Variants in ATP6V0A4 observed in about 807,000 individuals in gnomAD.
ATP6V0A4 encodes V-type proton ATPase 116 kDa subunit a 4.
ATP6V0A4 carries 86 observed loss-of-function variants against 107.3 expected under a neutral mutation model. The observed-to-expected ratio is 0.80, with a 90% CI of 0.67 to 0.96. The LOEUF is 0.96. Ranked by LOEUF, ATP6V0A4 falls within the 40% of genes least tolerant of loss-of-function variation. The pLI, the probability that ATP6V0A4 is intolerant of heterozygous loss-of-function variation, is 0.00. For synonymous variants in ATP6V0A4, 353 were observed against 381.4 expected (o/e 0.93, Z 0.87); for missense variants, 908 against 1,045.6 (o/e 0.87, Z 1.81).
At chr7:138,759,052 ATTTTTTTTT>A (rs33940158) in intron 8 of ATP6V0A4, among the ~76,000 whole-genome samples, 22 of 54,572 alleles carry the variant, frequency 4.0e-4, no homozygotes, top group East Asian at 2.3e-3. Flanking sequence ...TGCCCAGCCT[ATTTTTTTTT>A]TTTTTTTTTT....
intron 18 of ATP6V0A4, among the ~76,000 whole-genome samples, chr7:138,727,054 C>T (rs1264902712): frequency 7.1e-6 from 1 of 141,020 alleles, no homozygotes; most frequent in Non-Finnish European, 1.5e-5. Context: ...AAAAAAATTA[C>T]AATCACTTGA....
intron 20 of ATP6V0A4, among the ~76,000 whole-genome samples, chr7:138,714,152 G>T (rs560050096): frequency 6.6e-6 from 1 of 150,626 alleles, no homozygotes; most frequent in Non-Finnish European, 1.5e-5. Flanking sequence ...AAGCTGAGGC[G>T]GTAGAATGAC....
At chr7:138,715,984 C>G in intron 19 of ATP6V0A4, 103 bp from the exon 20 acceptor site, 1 of 1,477,992 alleles carries the variant, frequency 6.8e-7, no homozygotes, top group Non-Finnish European at 9.4e-7. Context: ...GCTGTTCAGA[C>G]ACTTTCAGTC....
Position 138,745,658 on chromosome 7 carries a change from C to CAAAAAAA in ATP6V0A4, c.1321-385_1321-379dup, listed in dbSNP as rs566336992. Among the ~76,000 whole-genome samples the CAAAAAAA allele has an allele frequency of 3.3e-4, 14 of 42,758 alleles. 3 individuals are homozygous for CAAAAAAA. Among genetic ancestry groups the CAAAAAAA allele is most frequent in the South Asian group, 1.8e-3 (2 of 1,098 alleles). The allele number at this position is 42,758 out of a possible 152,430, so 28.1% of individuals were successfully genotyped here. On this transcript the variant is annotated intron_variant, in intron 13 of 21. Coordinates refer to ENST00000310018, the MANE Select transcript of ATP6V0A4 (RefSeq NM_020632.3). ...CACCACTGCGCTCCAGCCTGTGTCT[C>CAAAAAAA]AAAAAAAAAAAAAGGCCGGGTGTGA...
At chr7:138,707,208 T>TTATATTATATATTA (rs1803454854) in intron 21 of ATP6V0A4, among the ~76,000 whole-genome samples, 1 of 60,738 alleles carries the variant, frequency 1.6e-5, no homozygotes, top group African/African-American at 8.1e-5. Flanking sequence ...ATATAATATA[T>TTATATTATATATTA]TATATTATAT....
intron 1 of ATP6V0A4, 155 bp downstream of exon 1, chr7:138,797,879 A>G (rs1584960997): frequency 9.4e-7 from 1 of 1,068,754 alleles, no homozygotes; most frequent in Non-Finnish European, 1.3e-6. Flanking sequence ...TTCCTTCCTC[A>G]GCCAACGGTT....
intron 2 of ATP6V0A4, among the ~76,000 whole-genome samples, chr7:138,777,954 G>A (rs978541224): frequency 3.9e-5 from 6 of 152,150 alleles, no homozygotes; most frequent in Non-Finnish European, 5.9e-5. Flanking sequence ...GACACCACAA[G>A]TGGAAAATTT....
Position 138,755,788 on chromosome 7 carries a change from TTTAA to T in ATP6V0A4, c.723-10_723-7del. 1 of 1,612,034 alleles carries T rather than the reference TTTAA, an allele frequency of 6.2e-7. No homozygotes were observed. The highest frequency in any genetic ancestry group is 8.5e-7 in the Non-Finnish European group (1 of 1,179,990). Reference sequence around the variant, plus strand: ...GGTAGACAGTGGCTCGAAACCTGTGTTTAATATATTCCAAAGGAAACAGGTGAGT... The same window carrying T: ...GGTAGACAGTGGCTCGAAACCTGTGTTATATTCCAAAGGAAACAGGTGAGT... On this transcript the variant is annotated splice_polypyrimidine_tract_variant and splice_region_variant and intron_variant, in intron 9 of 21. Coordinates refer to ENST00000310018, the MANE Select transcript of ATP6V0A4 (RefSeq NM_020632.3).
intron 2 of ATP6V0A4, among the ~76,000 whole-genome samples, chr7:138,774,931 A>C (rs1178462873): frequency 1.3e-5 from 2 of 151,988 alleles, no homozygotes; most frequent in Non-Finnish European, 2.9e-5. Flanking sequence ...TTTCCTTTGG[A>C]GGGGTCTTGT....
At chr7:138,761,292 T>G (rs976869934) in intron 7 of ATP6V0A4, among the ~76,000 whole-genome samples, 1 of 151,750 alleles carries the variant, frequency 6.6e-6, no homozygotes, top group Non-Finnish European at 1.5e-5. Flanking sequence ...TGATTGCACC[T>G]CTGCACTCCA....
intron 21 of ATP6V0A4, among the ~76,000 whole-genome samples, chr7:138,707,154 A>ATATAT (rs1803423506): frequency 2.7e-5 from 2 of 75,032 alleles, no homozygotes; most frequent in African/African-American, 1.1e-4. Context: ...TAATATATTA[A>ATATAT]TATATAATAT....
At chr7:138,742,192 C>T (rs1010065847) in intron 14 of ATP6V0A4, among the ~76,000 whole-genome samples, 1 of 151,988 alleles carries the variant, frequency 6.6e-6, no homozygotes, top group Non-Finnish European at 1.5e-5. Context: ...TTTGGGAGGC[C>T]GAGGCAGGTG....
At chr7:138,722,050 A>G in intron 18 of ATP6V0A4, 25 bp from the exon 19 acceptor site, 1 of 1,614,000 alleles carries the variant, frequency 6.2e-7, no homozygotes, top group Non-Finnish European at 8.5e-7. Context: ...GGAAATGAGG[A>G]ATGCGCTCAA....
intron 2 of ATP6V0A4, among the ~76,000 whole-genome samples, chr7:138,777,112 G>C (rs1807694618): frequency 6.6e-6 from 1 of 150,988 alleles, no homozygotes; most frequent in African/African-American, 2.4e-5. Context: ...TCGCACCACA[G>C]CACTCCAGCC....
At chr7:138,749,639 C>T (rs78046541) in intron 11 of ATP6V0A4, among the ~76,000 whole-genome samples, 1,593 of 152,212 alleles carry the variant, frequency 0.01, 12 homozygotes, top group Middle Eastern at 0.02. Context: ...CTCAATTCAT[C>T]CCCCTCTTCC....
At chr7:138,756,569 AG>A (rs374733428) in intron 8 of ATP6V0A4, 29 bp from the exon 9 acceptor site, 289 of 1,583,172 alleles carry the variant, frequency 1.8e-4, no homozygotes, top group Middle Eastern at 3.3e-4. Context: ...TTAAAAAAAA[AG>A]GGGGGGGTTT....
chr7:138,781,787 G>T (rs932237232), intron 2 of ATP6V0A4, among the ~76,000 whole-genome samples: 6 of 150,640 alleles, frequency 4.0e-5, no homozygotes, highest in African/African-American at 1.2e-4. Context: ...TCCTTGCCTT[G>T]TTCCTAATCT....
At chr7:138,717,795 C>A (rs1396204079) in intron 19 of ATP6V0A4, among the ~76,000 whole-genome samples, 2 of 150,608 alleles carry the variant, frequency 1.3e-5, no homozygotes, top group Middle Eastern at 3.5e-3. Context: ...GTAGTCCCAG[C>A]TACTTGGGAG....
intron 21 of ATP6V0A4, among the ~76,000 whole-genome samples, chr7:138,708,894 G>A (rs774703776): frequency 3.3e-5 from 5 of 151,986 alleles, no homozygotes; most frequent in Non-Finnish European, 7.4e-5. Context: ...GCCAACATAG[G>A]GGAACCCCAT....
Sources: allele counts gnomAD v4.1 joint callset (sites outside exome capture counted in the v4.1 genomes callset), GRCh38; gene constraint gnomAD v4.1.1; transcripts MANE v1.5; gene names NCBI Gene and HGNC (gene_info 2026-07-23, HGNC 2026-07-21).